FGGY: variants seen among roughly 807,000 people sequenced by gnomAD.
The protein encoded by FGGY is FGGY carbohydrate kinase domain-containing protein.
In FGGY, 72 loss-of-function variants were observed where a neutral mutation model predicts 71.3. The ratio of observed to expected loss-of-function variants is 1.01; its 90% CI spans 0.84 to 1.23. FGGY has a LOEUF of 1.23. Among genes scored for constraint, FGGY ranks in the 50% most tolerant of loss-of-function variants. The pLI is 0.00. For missense variants in FGGY, 668 were observed against 682.3 expected, an observed-to-expected ratio of 0.98 and a Z score of 0.23; for synonymous variants, 251 against 250.3, an observed-to-expected ratio of 1.00 and a Z score of -0.02.
chr1:59,603,133 G>A (rs1184036879), intron 8 of FGGY, among the ~76,000 whole-genome samples: 2 of 152,152 alleles, frequency 1.3e-5, no homozygotes, highest in Non-Finnish European at 2.9e-5. Context: ...CACCAAACCT[G>A]TGAAAGAGAA....
chr1:59,660,392 A>T (rs759021314), intron 12 of FGGY, 99 bp downstream of exon 12: 23 of 843,334 alleles, frequency 2.7e-5, no homozygotes, highest in Non-Finnish European at 3.8e-5. Flanking sequence ...TGTGACAGAG[A>T]TTCTTAATTA....
chr1:59,731,478 C>CT (rs888319097), intron 14 of FGGY, among the ~76,000 whole-genome samples: 6 of 152,058 alleles, frequency 3.9e-5, no homozygotes, highest in African/African-American at 1.4e-4. Flanking sequence ...ATCAGGTGGC[C>CT]TTTTTTCTGA....
At chr1:59,536,150 A>G (rs1201785320) in intron 7 of FGGY, among the ~76,000 whole-genome samples, 5 of 152,056 alleles carry the variant, frequency 3.3e-5, no homozygotes, top group African/African-American at 1.2e-4. Context: ...AGGGGATATC[A>G]CCACCGATCC....
intron 14 of FGGY, among the ~76,000 whole-genome samples, chr1:59,718,119 A>C (rs562510250): frequency 3.5e-4 from 54 of 152,344 alleles, no homozygotes; most frequent in African/African-American, 1.3e-3. Context: ...CCAGTTTTAC[A>C]GATGATGAGA....
At chr1:59,584,180 C>G (rs1157284836) in intron 8 of FGGY, among the ~76,000 whole-genome samples, 3 of 148,832 alleles carry the variant, frequency 2.0e-5, no homozygotes, top group Non-Finnish European at 4.4e-5. Flanking sequence ...CAGCAACATC[C>G]TGATACCAAA....
chr1:59,568,104 C>T (rs1287623151), intron 8 of FGGY, among the ~76,000 whole-genome samples: 1 of 152,026 alleles, frequency 6.6e-6, no homozygotes, highest in Non-Finnish European at 1.5e-5. Flanking sequence ...TGGAGCAGCA[C>T]CTGTAATCGT....
At chr1:59,642,959 T>TG (rs1229381597) in intron 11 of FGGY, among the ~76,000 whole-genome samples, 3 of 141,760 alleles carry the variant, frequency 2.1e-5, no homozygotes, top group Non-Finnish European at 4.6e-5. Flanking sequence ...GGCGAGAACC[T>TG]GGGGGGTGGA....
At chr1:59,690,338 T>C (rs1294011671) in intron 14 of FGGY, among the ~76,000 whole-genome samples, 1 of 152,184 alleles carries the variant, frequency 6.6e-6, no homozygotes, top group Non-Finnish European at 1.5e-5. Flanking sequence ...TGATATTAGT[T>C]GTACTTTGCA....
chr1:59,503,257 A>C (rs947071070), intron 6 of FGGY, among the ~76,000 whole-genome samples: 1 of 152,204 alleles, frequency 6.6e-6, no homozygotes, highest in Non-Finnish European at 1.5e-5. Flanking sequence ...GGTGTTAGCA[A>C]TGAAGGTGAT....
intron 4 of FGGY, among the ~76,000 whole-genome samples, chr1:59,348,546 G>A (rs1404902605): frequency 6.6e-6 from 1 of 152,164 alleles, no homozygotes; most frequent in East Asian, 1.9e-4. Flanking sequence ...CCTCTAGGTG[G>A]TCTGGAGAAG....
chr1:59,576,399 G>C (rs1291807594), intron 8 of FGGY, among the ~76,000 whole-genome samples: 1 of 151,950 alleles, frequency 6.6e-6, no homozygotes, highest in East Asian at 1.9e-4. Context: ...AGGCCAGTCG[G>C]GGGGTAGGGG....
intron 13 of FGGY, among the ~76,000 whole-genome samples, chr1:59,668,991 C>CAA (rs33999903): frequency 1.3e-3 from 47 of 36,910 alleles, no homozygotes; most frequent in Middle Eastern, 0.022. Context: ...AACTCCATCT[C>CAA]AAAAAAAAAA....
At chr1:59,297,660 A>G (rs1253184114) in intron 1 of FGGY, among the ~76,000 whole-genome samples, 1 of 152,002 alleles carries the variant, frequency 6.6e-6, no homozygotes, top group Non-Finnish European at 1.5e-5. Context: ...CGTCTCTACT[A>G]AAAATACAAA....
At position 59,534,764 on chromosome 1, in the gene FGGY, T is replaced by C. The variant is rs1319492423; in HGVS notation, c.800-19360T>C. On this transcript the variant is annotated intron_variant, in intron 7 of 15. Transcript: ENST00000303721. ...TAAGTGAAGGAGAAATAAAATACTTTACAGACAAGCAAATGCTGAGAGATT... is the reference window on the plus strand; with the variant it reads ...TAAGTGAAGGAGAAATAAAATACTTCACAGACAAGCAAATGCTGAGAGATT... Among the ~76,000 whole-genome samples, 5 of 151,766 alleles carry C rather than the reference T, an allele frequency of 3.3e-5. 1 individual carries two copies. The South Asian group carries it at 8.3e-4, about 25-fold the overall frequency.
chr1:59,368,507 A>G (rs1348019967), intron 4 of FGGY, among the ~76,000 whole-genome samples: 1 of 152,122 alleles, frequency 6.6e-6, no homozygotes, highest in African/African-American at 2.4e-5. Flanking sequence ...AGTATTGTGT[A>G]TTACCTACAC....
At chr1:59,736,670 T>C (rs1449861115) in intron 14 of FGGY, among the ~76,000 whole-genome samples, 1 of 152,130 alleles carries the variant, frequency 6.6e-6, no homozygotes, top group Admixed American at 6.5e-5. Flanking sequence ...CAGCAAAGCA[T>C]TGAGGAGGTG....
intron 13 of FGGY, among the ~76,000 whole-genome samples, chr1:59,668,828 C>CAA (rs879545867): frequency 6.5e-5 from 9 of 138,984 alleles, no homozygotes; most frequent in African/African-American, 1.8e-4. Flanking sequence ...ACTAAAAATA[C>CAA]AAAAAAAAAA....
At chr1:59,400,515 C>T (rs1216275175) in intron 5 of FGGY, among the ~76,000 whole-genome samples, 1 of 149,830 alleles carries the variant, frequency 6.7e-6, no homozygotes, top group African/African-American at 2.4e-5. Context: ...GTTTTGAGAC[C>T]TTCATTTTTT....
chr1:59,423,942 C>T (rs2065884155), intron 5 of FGGY, among the ~76,000 whole-genome samples: 1 of 152,230 alleles, frequency 6.6e-6, no homozygotes, highest in South Asian at 2.1e-4. Context: ...AGACATCTGC[C>T]TGCCTCCCTC....
Sources: gnomAD v4.1 joint callset for allele counts (sites outside exome capture counted in the v4.1 genomes callset) on GRCh38, gnomAD v4.1.1 for gene constraint, MANE v1.5 for transcripts, NCBI Gene and HGNC (gene_info 2026-07-23, HGNC 2026-07-21) for gene names.